The following GCNT3 variants were observed in gnomAD, a reference collection of about 807,000 sequenced individuals.
GCNT3 encodes beta-1,3-galactosyl-O-glycosyl-glycoprotein beta-1,6-N-acetylglucosaminyltransferase 3.
For synonymous variants in GCNT3, 269 were observed against 195.2 expected, an observed-to-expected ratio of 1.38 and a Z score of -3.15; for missense variants, 708 against 530.3, an observed-to-expected ratio of 1.34 and a Z score of -3.29.
rs2082741068 is a variant in GCNT3, at chr15:59,620,180, T to A, written c.*625T>A. On this transcript the variant is annotated 3_prime_UTR_variant, in exon 3 of 3. Transcript: ENST00000396065. ...GACAAGCTGCATGAATAGCAATTTT[T>A]TTTTTGAGACAGAGTCTTGCTCTGT... The A allele has an allele frequency of 6.0e-6, 1 of 166,962 alleles. No individual in the cohort carries two copies. Among genetic ancestry groups the A allele is most frequent in the Non-Finnish European group, 1.5e-5 (1 of 68,226 alleles). The allele number at this position is 166,962 out of a possible 1,614,324, so 10.3% of individuals were successfully genotyped here.
rs1368008884 is a variant in GCNT3 at position 59,622,606 on chromosome 15, C to T, written c.*3051C>T. 1 of 152,168 alleles carries T rather than the reference C, an allele frequency of 6.6e-6. No individual in the cohort carries two copies. Among genetic ancestry groups the T allele is most frequent in the African/African-American group, 2.4e-5 (1 of 41,444 alleles). The allele number at this position is 152,168 out of a possible 1,614,324, so 9.4% of individuals were successfully genotyped here. A position where few individuals can be genotyped will look rare whatever the true frequency, so the allele number is the denominator to read the frequency against. On this transcript the variant is annotated 3_prime_UTR_variant, in exon 3 of 3. Coordinates refer to ENST00000396065, the MANE Select transcript of GCNT3 (RefSeq NM_004751.3). ...CACCGTGGGAAGTAGGCAGAAAAGCCTCCCTGGGTGCAGATTCTCTGAGAA... is the reference window on the plus strand; with the variant it reads ...CACCGTGGGAAGTAGGCAGAAAAGCTTCCCTGGGTGCAGATTCTCTGAGAA...
chr15:59,618,801 T>C lies in GCNT3; in HGVS notation c.563T>C (p.Ile188Thr). The change falls in exon 3 of 3, where the codon ATA becomes ACA. Residue 188 changes from isoleucine to threonine, a missense_variant. By Grantham distance (89) the Ile-to-Thr change is moderately conservative (BLOSUM62 -1). Transcript: ENST00000396065. ...AIISCFPNVF[I>T]ASKLVRVVYA... The stretch of plus-strand genomic sequence containing the variant: ...ATTTCTTGCTTCCCAAATGTCTTCA[T>C]AGCCAGTAAGCTGGTTCGGGTGGTT... The C allele has an allele frequency of 6.2e-7, 1 of 1,614,214 alleles. No homozygotes were observed. The highest frequency in any genetic ancestry group is 8.5e-7 in the Non-Finnish European group (1 of 1,180,036).
Position 59,622,584 on chromosome 15 carries a change from C to T in GCNT3, c.*3029C>T, listed in dbSNP as rs979410246. 2.6e-5 allele frequency: 4 copies of T among 152,070 alleles called. No homozygotes were observed. The highest frequency in any genetic ancestry group is 4.4e-5 in the Non-Finnish European group (3 of 68,022). 9.4% of individuals were successfully genotyped at this position (152,070 alleles called of 1,614,324 possible). On this transcript the variant is annotated 3_prime_UTR_variant, in exon 3 of 3. Transcript: ENST00000396065. ...GGAGGTAGAAGGGGCACACGGCCAC[C>T]GTGGGAAGTAGGCAGAAAAGCCTCC... is the stretch of plus-strand genomic sequence containing the variant.
chr15:59,614,262 G>A (rs1013236683), intron 1 of GCNT3, among the ~76,000 whole-genome samples: 4 of 152,142 alleles, frequency 2.6e-5, no homozygotes, highest in African/African-American at 7.2e-5. Context: ...TCCCAGTACC[G>A]CAGAAAACAG....
At chr15:59,617,160 C>CTTTTTTTTTT in intron 2 of GCNT3, among the ~76,000 whole-genome samples, 1 of 86,566 alleles carries the variant, frequency 1.2e-5, no homozygotes, top group Non-Finnish European at 2.5e-5. Flanking sequence ...CTTTATTTTT[C>CTTTTTTTTTT]TTTTGTTTTC....
intron 1 of GCNT3, among the ~76,000 whole-genome samples, chr15:59,615,836 C>T (rs1479874522): frequency 6.6e-6 from 1 of 152,050 alleles, no homozygotes; most frequent in Non-Finnish European, 1.5e-5. Flanking sequence ...TGCATTGAGC[C>T]GTAATCACAC....
chr15:59,612,117 G>T, intron 1 of GCNT3, 136 bp downstream of exon 1: 1 of 152,348 alleles, frequency 6.6e-6, no homozygotes, highest in Non-Finnish European at 1.5e-5. Context: ...CCTCCGTCAA[G>T]GTTAACATCA....
chr15:59,619,467 A>C lies in GCNT3; in HGVS notation c.1229A>C (p.Asn410Thr). The C allele has an allele frequency of 6.2e-7, 1 of 1,614,174 alleles. No homozygotes were observed. The highest frequency in any genetic ancestry group is 8.5e-7 in the Non-Finnish European group (1 of 1,180,012). ...WMLQNHHLLA[N>T]KFDPKVDDNA... is the part of the protein sequence containing the mutation. ...CTTCAAAACCATCACCTGTTGGCCA[A>C]CAAGTTTGACCCAAAGGTAGATGAT... The change falls in exon 3 of 3, where the codon AAC becomes ACC. Residue 410 changes from asparagine to threonine, a missense_variant. Physicochemically the swap from Asn to Thr is moderately conservative, Grantham distance 65 (BLOSUM62 0). Transcript: ENST00000396065.
Position 59,617,270 on chromosome 15 carries a change from C to G in GCNT3, c.-61+389C>G, listed in dbSNP as rs547582070. Among the ~76,000 whole-genome samples, 5 of 148,022 alleles carry G rather than the reference C, an allele frequency of 3.4e-5. No individual in the cohort carries two copies. The South Asian group carries it at 8.5e-4, about 25-fold the overall frequency. Reference sequence around the variant, plus strand: ...AAAATATAAAAGAGCTATAATACTTCCTGTATTGTATTTCAAAGGTAGCTG... The same window carrying G: ...AAAATATAAAAGAGCTATAATACTTGCTGTATTGTATTTCAAAGGTAGCTG... On this transcript the variant is annotated intron_variant, in intron 2 of 2. Transcript: ENST00000396065.
chr15:59,618,384 G>C lies in GCNT3; in HGVS notation c.146G>C (p.Ser49Thr). 1 of 1,614,136 alleles carries C rather than the reference G, an allele frequency of 6.2e-7. No homozygotes were observed. ...GGTCTGGAGTCCAGGGAATCTCAAA[G>C]CCAGTACTGTAGGAATATCTTGTAT... ...HLGLESRESQ[S>T]QYCRNILYNF... Residue 49 changes from serine to threonine, a missense_variant, in exon 3 of 3, where the codon AGC becomes ACC. Physicochemically the swap from Ser to Thr is moderately conservative, Grantham distance 58. Coordinates refer to ENST00000396065, the MANE Select transcript of GCNT3 (RefSeq NM_004751.3).
Position 59,619,096 on chromosome 15 carries a change from C to G in GCNT3, c.858C>G (p.Pro286=). 1 of 1,614,052 alleles carries G rather than the reference C, an allele frequency of 6.2e-7. No individual in the cohort carries two copies. The highest frequency in any genetic ancestry group is 8.5e-7 in the Non-Finnish European group (1 of 1,179,960). The change falls in exon 3 of 3, where the codon CCC becomes CCG. Residue 286 remains proline (P), a synonymous_variant. Coordinates refer to ENST00000396065, the MANE Select transcript of GCNT3 (RefSeq NM_004751.3). ...LHLTNKKKDP[P]PYNLTMFTGN... ...TAACCAACAAGAAGAAGGATCCTCC[C>G]CCTTATAATTTAACTATGTTTACAG...
intron 2 of GCNT3, among the ~76,000 whole-genome samples, chr15:59,617,184 T>C (rs1490742442): frequency 6.8e-6 from 1 of 147,828 alleles, no homozygotes; most frequent in Non-Finnish European, 1.5e-5. Context: ...CTTTCTTTTT[T>C]TTTTTTTAAA....
intron 1 of GCNT3, among the ~76,000 whole-genome samples, chr15:59,615,950 C>T (rs1042957612): frequency 2.0e-5 from 3 of 152,130 alleles, no homozygotes; most frequent in Admixed American, 6.6e-5. Context: ...TTAGGAGGAG[C>T]AGTTGGGGGC....
chr15:59,612,643 T>C (rs1426357793), intron 1 of GCNT3, among the ~76,000 whole-genome samples: 3 of 152,146 alleles, frequency 2.0e-5, no homozygotes, highest in Non-Finnish European at 4.4e-5. Flanking sequence ...CTGCGCCCTT[T>C]CTCCCTCTTG....
chr15:59,617,947 C>G, intron 2 of GCNT3: 1 of 246,964 alleles, frequency 4.0e-6, no homozygotes, highest in Admixed American at 4.9e-5. Context: ...TCAGTTGTTC[C>G]TTTTCTCCTG....
chr15:59,615,054 T>A (rs2141934044), intron 1 of GCNT3: 1 of 152,286 alleles, frequency 6.6e-6, no homozygotes, highest in Middle Eastern at 3.4e-3. Context: ...TCAGGAGAAA[T>A]CCACCCTTCT....
chr15:59,615,026 A>G (rs2082713082), intron 1 of GCNT3: 1 of 152,208 alleles, frequency 6.6e-6, no homozygotes, highest in Non-Finnish European at 1.5e-5. Context: ...ACTCATCTCC[A>G]TTATTGCCTC....
rs189850122 is a variant in GCNT3 at position 59,622,611 on chromosome 15, T to C, written c.*3056T>C. On this transcript the variant is annotated 3_prime_UTR_variant, in exon 3 of 3. Coordinates refer to ENST00000396065, the MANE Select transcript of GCNT3 (RefSeq NM_004751.3). ...TGGGAAGTAGGCAGAAAAGCCTCCC[T>C]GGGTGCAGATTCTCTGAGAAAAGAA... 1 of 152,204 alleles carries C rather than the reference T, an allele frequency of 6.6e-6. No homozygotes were observed. Among genetic ancestry groups the C allele is most frequent in the Admixed American group, 6.5e-5 (1 of 15,276 alleles). The allele number at this position is 152,204 out of a possible 1,614,324, so 9.4% of individuals were successfully genotyped here.
Position 59,620,850 on chromosome 15 carries a change from T to C in GCNT3, c.*1295T>C, listed in dbSNP as rs372760412. 4.3e-5 allele frequency: 7 copies of C among 162,374 alleles called. 1 individual carries two copies. The highest frequency in any genetic ancestry group is 1.2e-4 in the African/African-American group (5 of 40,882). The allele number at this position is 162,374 out of a possible 1,614,324, so 10.1% of individuals were successfully genotyped here. A position where few individuals can be genotyped will look rare whatever the true frequency, so the allele number is the denominator to read the frequency against. On this transcript the variant is annotated 3_prime_UTR_variant, in exon 3 of 3. Transcript: ENST00000396065. The stretch of plus-strand genomic sequence containing the variant: ...CCAGGATGTCTTATTATTCCATGTT[T>C]AGGCCTCTTGAGTCAAAACTCTTTT...
Sources: allele counts gnomAD v4.1 joint callset (sites outside exome capture counted in the v4.1 genomes callset), GRCh38; gene constraint gnomAD v4.1.1; transcripts MANE v1.5; gene names NCBI Gene and HGNC (gene_info 2026-07-23, HGNC 2026-07-21).